The following STON1 variants were observed in gnomAD, a reference collection of about 807,000 sequenced individuals.
The protein encoded by STON1 is stonin-1.
In STON1, 79 loss-of-function variants were observed where a neutral mutation model predicts 60.9. The ratio of observed to expected loss-of-function variants is 1.30; its 90% CI spans 1.08 to 1.56. The LOEUF is 1.56. Ranked by LOEUF, STON1 falls within the 40% of genes most tolerant of loss-of-function variation. The pLI, the probability that STON1 is intolerant of heterozygous loss-of-function variation, is 0.00. For synonymous variants in STON1, 363 were observed against 306.9 expected (o/e 1.18, Z -1.91); for missense variants, 1,166 against 858.9 (o/e 1.36, Z -4.47).
intron 1 of STON1, among the ~76,000 whole-genome samples, chr2:48,568,413 A>G (rs1673040465): frequency 6.6e-6 from 1 of 152,138 alleles, no homozygotes; most frequent in African/African-American, 2.4e-5. Context: ...TCATATTTAC[A>G]TTTTATTTGA....
Position 48,581,397 on chromosome 2 carries a change from C to G in STON1, c.764C>G (p.Ala255Gly). The change falls in exon 2 of 4, where the codon GCT becomes GGT. Residue 255 changes from alanine (A) to glycine (G), a missense_variant. Coordinates refer to ENST00000404752, the MANE Select transcript of STON1 (RefSeq NM_006873.4). ...LRSLSMHCLC[A>G]EENASSFVPH... ...AGTTTGTCTATGCACTGTCTATGTG[C>G]TGAAGAAAATGCCTCTTCCTTTGTC... The G allele has an allele frequency of 6.2e-7, 1 of 1,607,932 alleles. No homozygotes were observed. Among genetic ancestry groups the G allele is most frequent in the East Asian group, 2.2e-5 (1 of 44,818 alleles).
At chr2:48,584,736 A>G (rs1370034309) in intron 2 of STON1, among the ~76,000 whole-genome samples, 1 of 152,204 alleles carries the variant, frequency 6.6e-6, no homozygotes, top group African/African-American at 2.4e-5. Context: ...CAGAGGGAAG[A>G]ACACTGCTCT....
At chr2:48,595,170 G>T in intron 3 of STON1, 58 bp from the exon 4 acceptor site, 1 of 1,316,444 alleles carries the variant, frequency 7.6e-7, no homozygotes, top group Non-Finnish European at 1.1e-6. Flanking sequence ...GGACTGAAGA[G>T]GTGTGAGTGC....
intron 1 of STON1, among the ~76,000 whole-genome samples, chr2:48,575,526 G>C (rs896988495): frequency 6.6e-6 from 1 of 151,790 alleles, no homozygotes; most frequent in Non-Finnish European, 1.5e-5. Context: ...GGTGGTGCAT[G>C]CCTGTAATCC....
At chr2:48,570,507 G>T (rs1378787212) in intron 1 of STON1, among the ~76,000 whole-genome samples, 1 of 152,058 alleles carries the variant, frequency 6.6e-6, no homozygotes, top group Non-Finnish European at 1.5e-5. Flanking sequence ...CCTAAATATG[G>T]GGAGTGCTAA....
intron 1 of STON1, among the ~76,000 whole-genome samples, chr2:48,540,216 G>A (rs1184196934): frequency 6.6e-6 from 1 of 152,148 alleles, no homozygotes; most frequent in Non-Finnish European, 1.5e-5. Context: ...GTTTGGATGG[G>A]AGGATGTGGT....
intron 1 of STON1, among the ~76,000 whole-genome samples, chr2:48,575,994 G>A (rs1274479477): frequency 6.6e-6 from 1 of 151,450 alleles, no homozygotes; most frequent in East Asian, 2.0e-4. Flanking sequence ...CTGGTCTTAG[G>A]TGATCCACCT....
chr2:48,542,949 G>T (rs569855625), intron 1 of STON1, among the ~76,000 whole-genome samples: 1 of 149,428 alleles, frequency 6.7e-6, no homozygotes, highest in Non-Finnish European at 1.5e-5. Context: ...GGGAGTGGCC[G>T]TGGTTACTCC....
intron 1 of STON1, among the ~76,000 whole-genome samples, chr2:48,574,244 C>T (rs990482844): frequency 2.6e-5 from 4 of 151,800 alleles, no homozygotes; most frequent in Non-Finnish European, 4.4e-5. Context: ...GGTGTGGTGG[C>T]GTGCACCTGT....
chr2:48,564,495 CT>C (rs1672802343), intron 1 of STON1, among the ~76,000 whole-genome samples: 1 of 23,252 alleles, frequency 4.3e-5, no homozygotes, highest in Non-Finnish European at 8.0e-5. Context: ...TCTTCTTCTT[CT>C]TCTTCTTCTT....
chr2:48,532,511 T>G (rs921840296), intron 1 of STON1, among the ~76,000 whole-genome samples: 1 of 151,670 alleles, frequency 6.6e-6, no homozygotes, highest in African/African-American at 2.4e-5. Flanking sequence ...AGAAAAACAA[T>G]GTACTGTGCT....
At chr2:48,531,546 G>A (rs1195463875) in intron 1 of STON1, 4 of 152,308 alleles carry the variant, frequency 2.6e-5, no homozygotes, top group African/African-American at 9.7e-5. Flanking sequence ...TTAATTCTCG[G>A]ATGGGTCTGG....
chr2:48,548,183 C>T (rs1321567736), intron 1 of STON1, among the ~76,000 whole-genome samples: 1 of 152,232 alleles, frequency 6.6e-6, no homozygotes, highest in East Asian at 1.9e-4. Context: ...ACAATTTTTA[C>T]AGGTAGTGGA....
At chr2:48,560,085 A>C (rs912327590) in intron 1 of STON1, among the ~76,000 whole-genome samples, 5 of 152,294 alleles carry the variant, frequency 3.3e-5, no homozygotes, top group African/African-American at 1.2e-4. Flanking sequence ...ATTAAGATAA[A>C]TTACTTGACC....
At position 48,557,390 on chromosome 2, in the gene STON1, A is replaced by C. The variant is rs1264022605; in HGVS notation, c.-47-23197A>C. 1.9e-5 allele frequency among the ~76,000 whole-genome samples: 2 copies of C among 105,596 alleles called. 1 individual carries two copies. The highest frequency in any genetic ancestry group is 4.2e-5 in the Non-Finnish European group (2 of 47,136). 69.3% of individuals were successfully genotyped at this position (105,596 alleles called of 152,430 possible). A position where few individuals can be genotyped will look rare whatever the true frequency, so the allele number is the denominator to read the frequency against. On this transcript the variant is annotated intron_variant, in intron 1 of 3. Transcript: ENST00000404752. ...TCTCAGACGATGGGCGGCCGAGCAG[A>C]GAGGCTCCTCACTTCCTAGATGTGA...
chr2:48,580,455 T>C (rs1572630259), intron 1 of STON1, 132 bp from the exon 2 acceptor site: 3 of 340,354 alleles, frequency 8.8e-6, no homozygotes, highest in South Asian at 1.7e-4. Flanking sequence ...TTGGATCATG[T>C]TTTTTTTTTA....
intron 1 of STON1, among the ~76,000 whole-genome samples, chr2:48,543,883 T>A (rs1213283311): frequency 6.6e-6 from 1 of 152,112 alleles, no homozygotes; most frequent in African/African-American, 2.4e-5. Context: ...AACATGTAAA[T>A]ATAAGCTAGA....
chr2:48,593,426 T>A (rs556767970), intron 3 of STON1, among the ~76,000 whole-genome samples: 73 of 152,314 alleles, frequency 4.8e-4, no homozygotes, highest in African/African-American at 1.6e-3. Flanking sequence ...AAAAGTATTT[T>A]TAACTAGAAA....
intron 2 of STON1, among the ~76,000 whole-genome samples, chr2:48,583,748 T>C (rs1044250808): frequency 4.0e-5 from 6 of 148,766 alleles, no homozygotes; most frequent in African/African-American, 1.2e-4. Flanking sequence ...TCCAAATCTT[T>C]TTTTTCTTTT....
Sources: allele counts gnomAD v4.1 joint callset (sites outside exome capture counted in the v4.1 genomes callset), GRCh38; gene constraint gnomAD v4.1.1; transcripts MANE v1.5; gene names NCBI Gene and HGNC (gene_info 2026-07-23, HGNC 2026-07-21).